The following GTF3C1 variants were observed in gnomAD, a reference collection of about 807,000 sequenced individuals.
GTF3C1 encodes the protein general transcription factor IIIC subunit 1.
GTF3C1 carries 57 observed loss-of-function variants against 226.7 expected under a neutral mutation model. The ratio of observed to expected loss-of-function variants is 0.25; its 90% CI spans 0.20 to 0.31. The LOEUF (loss-of-function observed/expected upper bound fraction) is 0.31, where lower values mean the gene tolerates loss of function less well. GTF3C1 is among the 10% of genes least tolerant of loss of function. The pLI is 1.00. For synonymous variants in GTF3C1, 1,090 were observed against 1,084.8 expected, an observed-to-expected ratio of 1.00 and a Z score of -0.09; for missense variants, 2,217 against 2,776.1, an observed-to-expected ratio of 0.80 and a Z score of 4.53.
chr16:27,519,650 T>C (rs2088714826), intron 6 of GTF3C1, among the ~76,000 whole-genome samples: 1 of 151,878 alleles, frequency 6.6e-6, no homozygotes, highest in Non-Finnish European at 1.5e-5. Flanking sequence ...AAGGGACTTG[T>C]GCCTCTGTTT....
chr16:27,470,354 G>T lies in GTF3C1; in HGVS notation c.4568C>A (p.Ser1523Ter). Reference sequence around the variant, plus strand: ...CCGCATTCTGTCCAAAAACTGGAATGACTCCGTGCAGATGGTGCTTGGAAA... The same window carrying T: ...CCGCATTCTGTCCAAAAACTGGAATTACTCCGTGCAGATGGTGCTTGGAAA... ...WRFPSTICTE[S>*]FQFLDRMRAA... is the part of the protein sequence containing the mutation. Residue 1523 changes from serine to a stop codon, truncating the protein, a stop_gained, in exon 31 of 37, where the codon TCA (serine) becomes TAA (stop). Coordinates refer to ENST00000356183, the MANE Select transcript of GTF3C1 (RefSeq NM_001520.4). LOFTEE classifies it high-confidence loss of function. The surrounding 1 kb of genome is among the most constrained non-coding windows in gnomAD (Gnocchi z 4.9). 1 of 1,614,068 alleles carries T rather than the reference G, an allele frequency of 6.2e-7. No individual in the cohort carries two copies. Among genetic ancestry groups the T allele is most frequent in the South Asian group, 1.1e-5 (1 of 91,056 alleles).
At chr16:27,500,615 C>T (rs1435167030) in intron 12 of GTF3C1, among the ~76,000 whole-genome samples, 5 of 152,188 alleles carry the variant, frequency 3.3e-5, no homozygotes, top group Non-Finnish European at 7.3e-5. Flanking sequence ...CTGGCTGTAC[C>T]ATCACAAATT....
At chr16:27,475,909 T>G (rs567120463) in intron 29 of GTF3C1, among the ~76,000 whole-genome samples, 17 of 152,326 alleles carry the variant, frequency 1.1e-4, no homozygotes, top group Middle Eastern at 3.4e-3. Flanking sequence ...CCTGCTTCAT[T>G]TTCTGTCTTA....
rs1398822636 is a variant in GTF3C1, at chr16:27,486,011, C to G, written c.3844G>C (p.Val1282Leu). The G allele has an allele frequency of 1.9e-6, 3 of 1,609,334 alleles. No homozygotes were observed. In the Admixed American group the frequency reaches 5.0e-5, roughly 27 times the overall value. Reference protein sequence around the residue: ...LLVLCRIASNVLNTKVKGPFV... With the variant: ...LLVLCRIASNLLNTKVKGPFV... ...CTGGTTGGTACCTTGGTGTTGAGGA[C>G]ATTGCTGGCAATGCGGCACAGCACA... Residue 1282 changes from valine (V) to leucine (L), a missense_variant, in exon 24 of 37, where the codon GTC (valine) becomes CTC (leucine). Around this residue, in one of 12 missense-constraint regions of GTF3C1, gnomAD observed 546 missense variants for 663.0 expected, o/e 0.82. Coordinates refer to ENST00000356183, the MANE Select transcript of GTF3C1 (RefSeq NM_001520.4).
intron 16 of GTF3C1, among the ~76,000 whole-genome samples, chr16:27,493,950 A>G (rs987803584): frequency 1.3e-5 from 2 of 152,012 alleles, no homozygotes. Context: ...TTAAAGGGAG[A>G]TCACACACAT....
At chr16:27,502,093 CAAA>C (rs566128806) in intron 11 of GTF3C1, among the ~76,000 whole-genome samples, 1 of 124,552 alleles carries the variant, frequency 8.0e-6, no homozygotes. Context: ...GACTCCATCT[CAAA>C]AAAAAAAAAA....
chr16:27,464,504 G>A lies in GTF3C1; in HGVS notation c.5688C>T (p.Ser1896=). The A allele has an allele frequency of 4.6e-6, 7 of 1,526,362 alleles. No individual in the cohort carries two copies. Among genetic ancestry groups the A allele is most frequent in the East Asian group, 2.4e-5 (1 of 42,044 alleles). 94.6% of individuals were successfully genotyped at this position (1,526,362 alleles called of 1,614,324 possible). A position where few individuals can be genotyped will look rare whatever the true frequency, so the allele number is the denominator to read the frequency against. ...PALQDSNLAP[S]LGPGAEDGAE... Reference sequence around the variant, plus strand: ...CCCCATCTTCAGCTCCGGGCCCAAGGCTGGGGGCCAAATTTGAGTCCTGGA... The same window carrying A: ...CCCCATCTTCAGCTCCGGGCCCAAGACTGGGGGCCAAATTTGAGTCCTGGA... Residue 1896 remains serine, a synonymous_variant, in exon 34 of 37, where the codon AGC becomes AGT. Transcript: ENST00000356183.
intron 29 of GTF3C1, among the ~76,000 whole-genome samples, chr16:27,474,804 A>G (rs2087928626): frequency 1.3e-5 from 2 of 152,178 alleles, no homozygotes; most frequent in South Asian, 4.1e-4. Flanking sequence ...CGTATGTGTA[A>G]AACAGGCAGG....
At chr16:27,539,294 T>C (rs2089048691) in intron 2 of GTF3C1, among the ~76,000 whole-genome samples, 1 of 152,186 alleles carries the variant, frequency 6.6e-6, no homozygotes, top group African/African-American at 2.4e-5. Flanking sequence ...CATTAGTTCC[T>C]TCCTCTAAAT....
rs1300669500 is a variant in GTF3C1 at position 27,463,318 on chromosome 16, C to T, written c.5924+223G>A. 1.7e-5 allele frequency: 10 copies of T among 577,810 alleles called. No homozygotes were observed. Among genetic ancestry groups the T allele is most frequent in the Admixed American group, 9.4e-5 (3 of 31,992 alleles). The allele number at this position is 577,810 out of a possible 1,614,324, so 35.8% of individuals were successfully genotyped here. A position where few individuals can be genotyped will look rare whatever the true frequency, so the allele number is the denominator to read the frequency against. On this transcript the variant is annotated intron_variant, in intron 35 of 36. Coordinates refer to ENST00000356183, the MANE Select transcript of GTF3C1 (RefSeq NM_001520.4). The surrounding 1 kb of genome is among the most constrained non-coding windows in gnomAD (Gnocchi z 4.9). ...ACCAGCGCCCTGGGCATTCTGGAAGCGCAGCCCTCATTCCAGGCCGACCTG... is the reference window on the plus strand; with the variant it reads ...ACCAGCGCCCTGGGCATTCTGGAAGTGCAGCCCTCATTCCAGGCCGACCTG...
intron 16 of GTF3C1, among the ~76,000 whole-genome samples, chr16:27,494,534 C>A (rs1257916076): frequency 6.6e-6 from 1 of 152,174 alleles, no homozygotes; most frequent in Non-Finnish European, 1.5e-5. Flanking sequence ...CCGCCAACCA[C>A]CCACCCATCC....
intron 13 of GTF3C1, 102 bp downstream of exon 13, chr16:27,498,528 T>C (rs942844032): frequency 6.8e-6 from 5 of 740,310 alleles, no homozygotes; most frequent in East Asian, 4.9e-5. Flanking sequence ...ACAAATTCAC[T>C]GATCCATGCA....
intron 6 of GTF3C1, among the ~76,000 whole-genome samples, chr16:27,512,343 A>G (rs186281113): frequency 1.6e-3 from 237 of 152,274 alleles, no homozygotes; most frequent in African/African-American, 5.3e-3. Context: ...TTAAGCTAAT[A>G]CTCACTGCCA....
chr16:27,509,169 G>A (rs968671009), intron 7 of GTF3C1, among the ~76,000 whole-genome samples: 4 of 152,310 alleles, frequency 2.6e-5, no homozygotes, highest in African/African-American at 9.6e-5. Context: ...GTGCAAGCGA[G>A]GACTTTGAAA....
At chr16:27,476,682 T>C (rs2087955424) in intron 28 of GTF3C1, 138 bp from the exon 29 acceptor site, 1 of 622,702 alleles carries the variant, frequency 1.6e-6, no homozygotes, top group African/African-American at 1.8e-5. Context: ...GAAAACACAA[T>C]ATATGATGGT....
At chr16:27,488,915 T>C (rs1382097956) in intron 21 of GTF3C1, 128 bp downstream of exon 21, 6 of 861,518 alleles carry the variant, frequency 7.0e-6, no homozygotes, top group South Asian at 3.0e-5. Context: ...CAGGCACACA[T>C]TTAAGGGGCC....
Position 27,488,396 on chromosome 16 carries a change from A to G in GTF3C1, c.3531T>C (p.Ile1177=), listed in dbSNP as rs116644407. 4.2e-4 allele frequency: 680 copies of G among 1,612,638 alleles called. 5 individuals carry two copies. The African/African-American group carries it at 6.7e-3, about 16-fold the overall frequency. Residue 1177 remains isoleucine, a synonymous_variant, in exon 23 of 37, where the codon ATT becomes ATC. Coordinates refer to ENST00000356183, the MANE Select transcript of GTF3C1 (RefSeq NM_001520.4). ...CGGAGCCTACTCTTGCTTCCCCCCAAATATTCAACCTGCTGTTGCCTAGAC... is the reference window on the plus strand; with the variant it reads ...CGGAGCCTACTCTTGCTTCCCCCCAGATATTCAACCTGCTGTTGCCTAGAC... The part of the protein sequence containing the change: ...LSARGNSRLN[I]WGEARVGSEL...
intron 29 of GTF3C1, among the ~76,000 whole-genome samples, chr16:27,476,075 T>A (rs2087946018): frequency 6.6e-6 from 1 of 152,104 alleles, no homozygotes; most frequent in African/African-American, 2.4e-5. Context: ...GGCTCACAGC[T>A]TGGTAATGAC....
chr16:27,462,542 C>T lies in GTF3C1; in HGVS notation c.5925-56G>A. On this transcript the variant is annotated intron_variant, in intron 35 of 36. Coordinates refer to ENST00000356183, the MANE Select transcript of GTF3C1 (RefSeq NM_001520.4). This position sits in a 1 kb window ranked among gnomAD's most constrained non-coding sequence, Gnocchi z 4.5. ...GGTGGGGGCAGGAGGGCAGCTCGTCCAGACAGAACACTGAGGCTCAGGGGC... is the reference window on the plus strand; with the variant it reads ...GGTGGGGGCAGGAGGGCAGCTCGTCTAGACAGAACACTGAGGCTCAGGGGC... 7.3e-7 allele frequency: 1 copy of T among 1,369,182 alleles called. No individual in the cohort carries two copies. The highest frequency in any genetic ancestry group is 1.0e-6 in the Non-Finnish European group (1 of 968,588). The allele number at this position is 1,369,182 out of a possible 1,614,324, so 84.8% of individuals were successfully genotyped here. A position where few individuals can be genotyped will look rare whatever the true frequency, so the allele number is the denominator to read the frequency against.
Sources: gnomAD v4.1 joint callset for allele counts (sites outside exome capture counted in the v4.1 genomes callset) on GRCh38, gnomAD v4.1.1 for gene constraint, gnomAD v4.1.1 regional missense constraint, Gnocchi (gnomAD v3.1) non-coding constraint, MANE v1.5 for transcripts, NCBI Gene and HGNC (gene_info 2026-07-23, HGNC 2026-07-21) for gene names.